Variants in PLEKHG5 observed in about 807,000 individuals in gnomAD.
PLEKHG5 encodes pleckstrin homology and RhoGEF domain containing G5.
A neutral mutation model predicts 103.8 loss-of-function variants in PLEKHG5; 52 were observed. The ratio of observed to expected loss-of-function variants is 0.50; its 90% CI spans 0.40 to 0.63. The LOEUF (loss-of-function observed/expected upper bound fraction) is 0.63, where lower values mean the gene tolerates loss of function less well. Ranked by LOEUF, PLEKHG5 falls within the 30% of genes least tolerant of loss-of-function variation. PLEKHG5 has a pLI of 0.00. For synonymous variants in PLEKHG5, 592 were observed against 575.5 expected, an observed-to-expected ratio of 1.03 and a Z score of -0.41; for missense variants, 1,205 against 1,347.6, an observed-to-expected ratio of 0.89 and a Z score of 1.66.
chr1:6,474,326 A>C, intron 6 of PLEKHG5, 125 bp downstream of exon 6: 4 of 1,327,518 alleles, frequency 3.0e-6, no homozygotes, highest in Non-Finnish European at 4.2e-6. Flanking sequence ...TCCAGCAGAG[A>C]CACCTGTATG....
At chr1:6,485,854 C>T in intron 1 of PLEKHG5, 1 of 988,464 alleles carries the variant, frequency 1.0e-6, no homozygotes, top group Non-Finnish European at 1.2e-6. Context: ...CTCTGCGCGG[C>T]CCCGGGCCCC....
intron 6 of PLEKHG5, 78 bp from the exon 7 acceptor site, chr1:6,474,242 G>A: frequency 6.5e-7 from 1 of 1,546,268 alleles, no homozygotes; most frequent in Non-Finnish European, 8.8e-7. Flanking sequence ...TCTCCCCGGA[G>A]GATCCACACC....
rs201182604 is a variant in PLEKHG5, at chr1:6,469,126, TC to T, written c.2164del (p.Glu722ArgfsTer43). On this transcript the variant is annotated frameshift_variant, in exon 19 of 21. Transcript: ENST00000377728. LOFTEE classifies it high-confidence loss of function. ...EEEEEEEEEE[E>X]EGEDSGTSAA... is the part of the protein sequence containing the mutation. ...TGAAGTGCCACTGTCCTCGCCTTCC[TC>T]CTCCTCCTCCTCCTCCTCCTCTTCC... 5.0e-3 allele frequency: 7,409 copies of T among 1,490,896 alleles called. 308 individuals are homozygous for T. In the African/African-American group the frequency reaches 0.12, roughly 23 times the overall value. 92.4% of individuals were successfully genotyped at this position (1,490,896 alleles called of 1,614,324 possible).
chr1:6,507,556 A>G (rs1638358367), intron 1 of PLEKHG5, among the ~76,000 whole-genome samples: 1 of 152,068 alleles, frequency 6.6e-6, no homozygotes. Context: ...AACAGACCAG[A>G]TGCCTGGCAA....
intron 1 of PLEKHG5, among the ~76,000 whole-genome samples, chr1:6,519,043 C>T (rs1382277935): frequency 2.0e-5 from 3 of 152,138 alleles, no homozygotes; most frequent in Admixed American, 6.5e-5. Context: ...GGGGTTTCAC[C>T]GTGTTAACCA....
rs569463863 is a variant in PLEKHG5 at position 6,487,385 on chromosome 1, G to A, written c.-88+4252C>T. 6.6e-6 allele frequency among the ~76,000 whole-genome samples: 1 copy of A among 152,322 alleles called. No homozygotes were observed. The highest frequency in any genetic ancestry group is 2.1e-4 in the South Asian group (1 of 4,826). On this transcript the variant is annotated intron_variant, in intron 1 of 20. Coordinates refer to ENST00000377728, the MANE Select transcript of PLEKHG5 (RefSeq NM_020631.6). The surrounding 1 kb of genome is among the most constrained non-coding windows in gnomAD (Gnocchi z 4.1). The stretch of plus-strand genomic sequence containing the variant: ...CCCCACCTTGGCCTCCCAAAGTGCT[G>A]AGATTACAGGCATGAGCCACCACAC...
In PLEKHG5 at chr1:6,467,166, A is replaced by G; in HGVS notation, c.*397T>C. On this transcript the variant is annotated 3_prime_UTR_variant, in exon 21 of 21. Coordinates refer to ENST00000377728, the MANE Select transcript of PLEKHG5 (RefSeq NM_020631.6). ...TATAAAAGAACCAAAAGCTCAATAA[A>G]TACGTAACTTCACAGAACCCAGCCC... The G allele has an allele frequency of 2.6e-6, 1 of 386,690 alleles. No individual in the cohort carries two copies. The highest frequency in any genetic ancestry group is 4.9e-6 in the Non-Finnish European group (1 of 204,662). 24.0% of individuals were successfully genotyped at this position (386,690 alleles called of 1,614,324 possible).
In PLEKHG5 at chr1:6,505,179, C is replaced by G. The variant is rs1327681984; in HGVS notation, c.-164-8610G>C. Reference sequence around the variant, plus strand: ...TCAGCGCTCCGGTAGCTTCTGCGGACCGGACTCAAGTTTCTGTCACTGCAC... The same window carrying G: ...TCAGCGCTCCGGTAGCTTCTGCGGAGCGGACTCAAGTTTCTGTCACTGCAC... On this transcript the variant is annotated intron_variant, in intron 1 of 21. Coordinates refer to the PLEKHG5 transcript ENST00000377740. This position sits in a 1 kb window ranked among gnomAD's most constrained non-coding sequence, Gnocchi z 4.2. 6.6e-6 allele frequency among the ~76,000 whole-genome samples: 1 copy of G among 152,166 alleles called. No homozygotes were observed. Among genetic ancestry groups the G allele is most frequent in the Non-Finnish European group, 1.5e-5 (1 of 68,036 alleles).
intron 1 of PLEKHG5, chr1:6,485,535 G>T (rs1306705468): frequency 2.6e-6 from 3 of 1,168,722 alleles, no homozygotes; most frequent in South Asian, 8.3e-5. Context: ...CGCCCCCGCC[G>T]AGCGCGGGGA....
chr1:6,469,817 A>C (rs1644514527), intron 16 of PLEKHG5, 141 bp from the exon 17 acceptor site: 26 of 737,722 alleles, frequency 3.5e-5, no homozygotes, highest in Non-Finnish European at 2.3e-6. Context: ...TAAAATGAAG[A>C]GGAAGATGAT....
intron 1 of PLEKHG5, chr1:6,485,253 G>T: frequency 9.5e-7 from 1 of 1,052,804 alleles, no homozygotes; most frequent in Non-Finnish European, 1.2e-6. Context: ...CTGGCCTCCC[G>T]CACAGGACTG....
rs1010441599 is a variant in PLEKHG5 at position 6,501,869 on chromosome 1, G to T, written c.-164-5300C>A. On this transcript the variant is annotated intron_variant, in intron 1 of 21. Transcript: ENST00000377740. This position sits in a 1 kb window ranked among gnomAD's most constrained non-coding sequence, Gnocchi z 4.3. ...ACACAAGTGCATGGAAAACCACCTCGTTCTCATTTTCTCCAGGGTAGCCCC... is the reference window on the plus strand; with the variant it reads ...ACACAAGTGCATGGAAAACCACCTCTTTCTCATTTTCTCCAGGGTAGCCCC... Among the ~76,000 whole-genome samples the T allele has an allele frequency of 6.6e-6, 1 of 152,144 alleles. No homozygotes were observed. The highest frequency in any genetic ancestry group is 1.5e-5 in the Non-Finnish European group (1 of 68,030).
Position 6,470,519 on chromosome 1 carries a change from T to G in PLEKHG5, c.1667A>C (p.Asp556Ala). The G allele has an allele frequency of 6.2e-7, 1 of 1,609,606 alleles. No individual in the cohort carries two copies. Among genetic ancestry groups the G allele is most frequent in the Non-Finnish European group, 8.5e-7 (1 of 1,179,894 alleles). The change falls in exon 15 of 21, where the codon GAC (aspartate) becomes GCC (alanine). Residue 556 changes from aspartate to alanine, a missense_variant. Asp to Ala is a moderately radical substitution (Grantham distance 126). Coordinates refer to ENST00000377728, the MANE Select transcript of PLEKHG5 (RefSeq NM_020631.6). The part of the protein sequence containing the change: ...DAYEVVESSS[D>A]EVDKLLKEFL... ...ACACACGCCCACCTTGTCCACTTCG[T>G]CGCTGCTGCTTTCCACCACCTCGTA... is the stretch of plus-strand genomic sequence containing the variant.
chr1:6,467,761 G>T, intron 20 of PLEKHG5, 64 bp downstream of exon 20: 1 of 1,576,848 alleles, frequency 6.3e-7, no homozygotes, highest in Non-Finnish European at 8.7e-7. Flanking sequence ...ATGCTCCCAG[G>T]CATGAGTGGG....
At chr1:6,513,682 G>C (rs368707892) in intron 1 of PLEKHG5, among the ~76,000 whole-genome samples, 1 of 152,224 alleles carries the variant, frequency 6.6e-6, no homozygotes, top group African/African-American at 2.4e-5. Flanking sequence ...TCCCAACCAC[G>C]GAAAAGACAG....
At chr1:6,518,852 GTTT>G (rs1638697618) in intron 1 of PLEKHG5, among the ~76,000 whole-genome samples, 1 of 152,068 alleles carries the variant, frequency 6.6e-6, no homozygotes, top group Non-Finnish European at 1.5e-5. Flanking sequence ...ATATGTTTTT[GTTT>G]TTGTTTGAGA....
intron 1 of PLEKHG5, among the ~76,000 whole-genome samples, chr1:6,508,028 C>A (rs1049991998): frequency 6.6e-6 from 1 of 152,300 alleles, no homozygotes; most frequent in East Asian, 1.9e-4. Flanking sequence ...TACCCAGCCT[C>A]GGCCCCTCTT....
chr1:6,519,280 G>T (rs1638710038), intron 1 of PLEKHG5, among the ~76,000 whole-genome samples: 2 of 152,178 alleles, frequency 1.3e-5, no homozygotes, highest in African/African-American at 4.8e-5. Context: ...CTGATTAATG[G>T]AAGAATGAGA....
Position 6,468,201 on chromosome 1 carries a change from C to T in PLEKHG5, c.2635G>A (p.Glu879Lys), listed in dbSNP as rs749438508. The change falls in exon 20 of 21, where the codon GAG becomes AAG. Residue 879 changes from glutamate to lysine, a missense_variant. Glu to Lys is a moderately conservative substitution (Grantham distance 56). Coordinates refer to ENST00000377728, the MANE Select transcript of PLEKHG5 (RefSeq NM_020631.6). ...GCCAGCAGCTGGAGGAGGCTGGCCT[C>T]GGACTTAGACTTGAGCAGGTGGGGC... ...CPPHLLKSKS[E>K]ASLLQLLAGA... The T allele has an allele frequency of 6.3e-6, 10 of 1,575,926 alleles. No homozygotes were observed. In the Admixed American group the frequency reaches 7.0e-5, roughly 11 times the overall value.
Sources: allele counts gnomAD v4.1 joint callset (sites outside exome capture counted in the v4.1 genomes callset), GRCh38; gene constraint gnomAD v4.1.1; non-coding constraint Gnocchi (gnomAD v3.1); transcripts MANE v1.5; gene names NCBI Gene and HGNC (gene_info 2026-07-23, HGNC 2026-07-21).